The following ZNF347 variants were observed in gnomAD, a reference collection of about 807,000 sequenced individuals.
ZNF347 encodes the protein CTD-2620I22.7.
Under a neutral mutation model 12.9 loss-of-function variants are expected in ZNF347, and 19 were observed. The observed-to-expected ratio is 1.47, with a 90% CI of 1.03 to 2.16. ZNF347 has a LOEUF of 2.16. Among genes scored for constraint, ZNF347 ranks in the 30% most tolerant of loss-of-function variants. The pLI, the probability that ZNF347 is intolerant of heterozygous loss-of-function variation, is 0.00. For synonymous variants in ZNF347, 328 were observed against 340.6 expected, an observed-to-expected ratio of 0.96 and a Z score of 0.41; for missense variants, 1,005 against 990.6, an observed-to-expected ratio of 1.01 and a Z score of -0.19.
chr19:53,149,022 G>T, intron 3 of ZNF347: 1 of 1,116,938 alleles, frequency 9.0e-7, no homozygotes, highest in Non-Finnish European at 1.2e-6. Context: ...CATGGGGATA[G>T]AAAACAGGGA....
chr19:53,144,225 C>T (rs10409594), intron 4 of ZNF347, among the ~76,000 whole-genome samples: 12,301 of 151,978 alleles, frequency 0.081, 1,007 homozygotes, highest in African/African-American at 0.22. Flanking sequence ...CTATATGTTG[C>T]CTACAACAAA....
rs555644606 is a variant in ZNF347 at position 53,136,528 on chromosome 19, T to G, written c.*3780A>C. The G allele has an allele frequency of 6.7e-6, 1 of 150,078 alleles. No individual in the cohort carries two copies. The highest frequency in any genetic ancestry group is 1.5e-5 in the Non-Finnish European group (1 of 67,550). The allele number at this position is 150,078 out of a possible 1,614,324, so 9.3% of individuals were successfully genotyped here. On this transcript the variant is annotated 3_prime_UTR_variant, in exon 5 of 5. Transcript: ENST00000334197. ...CAGGAGGAATGCTTGAGGCCAAGAG[T>G]TCAAGACCAACCTGGCCAACATAGC... is the stretch of plus-strand genomic sequence containing the variant.
At chr19:53,146,876 T>C (rs1381780824) in intron 4 of ZNF347, among the ~76,000 whole-genome samples, 1 of 150,332 alleles carries the variant, frequency 6.7e-6, no homozygotes, top group Non-Finnish European at 1.5e-5. Context: ...AAAAAAAAAA[T>C]TTCATGTAGA....
chr19:53,141,609 C>T lies in ZNF347; in HGVS notation c.1219G>A (p.Gly407Ser), dbSNP rs1378501484. ...TGTGAATTTTGAGTGAAGACCTTGCCACATTCATTACATTTGTAAGGTTTT... is the reference window on the plus strand; with the variant it reads ...TGTGAATTTTGAGTGAAGACCTTGCTACATTCATTACATTTGTAAGGTTTT... ...GEKPYKCNEC[G>S]KVFTQNSHLT... The change falls in exon 5 of 5, where the codon GGC (glycine) becomes AGC (serine). Residue 407 changes from glycine to serine, a missense_variant. Physicochemically the swap from Gly to Ser is moderately conservative, Grantham distance 56. Transcript: ENST00000334197. 3.1e-6 allele frequency: 5 copies of T among 1,613,998 alleles called. No individual in the cohort carries two copies. The highest frequency in any genetic ancestry group is 4.2e-6 in the Non-Finnish European group (5 of 1,179,974).
At chr19:53,155,332 GTGTT>G (rs1211765379) in intron 1 of ZNF347, among the ~76,000 whole-genome samples, 13 of 137,632 alleles carry the variant, frequency 9.4e-5, no homozygotes, top group Admixed American at 5.8e-4. Flanking sequence ...GTGTGTGTGT[GTGTT>G]TGTTTTTTGT....
At chr19:53,156,053 G>A (rs1407165485) in intron 1 of ZNF347, among the ~76,000 whole-genome samples, 2 of 137,666 alleles carry the variant, frequency 1.5e-5, no homozygotes, top group East Asian at 2.2e-4. Context: ...CTCGGGGGGG[G>A]GGGGGGGTTA....
chr19:53,149,266 C>A lies in ZNF347; in HGVS notation c.117G>T (p.Glu39Asp), dbSNP rs777145610. 1.9e-6 allele frequency: 3 copies of A among 1,613,370 alleles called. No homozygotes were observed. In the African/African-American group the frequency reaches 4.0e-5, roughly 22 times the overall value. Residue 39 changes from glutamate to aspartate, a missense_variant, in exon 3 of 5, where the codon GAG becomes GAT. Physicochemically the swap from Glu to Asp is conservative, Grantham distance 45. Coordinates refer to ENST00000334197, the MANE Select transcript of ZNF347 (RefSeq NM_032584.3). ...CCAGGGAGGCCAGGTTCCTATAATT[C>A]TCCAACATCACGTCCCTGTACAAAG... is the stretch of plus-strand genomic sequence containing the variant. ...QRTLYRDVMLENYRNLASLGI... is the reference protein window; with the variant it reads ...QRTLYRDVMLDNYRNLASLGI...
intron 4 of ZNF347, among the ~76,000 whole-genome samples, chr19:53,145,050 G>C (rs914212659): frequency 1.3e-5 from 2 of 152,048 alleles, no homozygotes; most frequent in Non-Finnish European, 2.9e-5. Context: ...AGCACTTAGG[G>C]AGGCCAAAGT....
rs770554095 is a variant in ZNF347 at position 53,141,783 on chromosome 19, C to T, written c.1045G>A (p.Glu349Lys). 1.3e-5 allele frequency: 21 copies of T among 1,613,456 alleles called. No individual in the cohort carries two copies. The highest frequency in any genetic ancestry group is 3.3e-5 in the Admixed American group (2 of 59,928). ...HTGEKPYKCNECGKVFTQNSH... is the reference protein window; with the variant it reads ...HTGEKPYKCNKCGKVFTQNSH... ...TTCTGAGTGAAGACCTTGCCACATT[C>T]GTTACATTTATAAGGTTTCTCTCCA... is the stretch of plus-strand genomic sequence containing the variant. The change falls in exon 5 of 5, where the codon GAA (glutamate) becomes AAA (lysine). Residue 349 changes from glutamate (E) to lysine (K), a missense_variant. By Grantham distance (56) the Glu-to-Lys change is moderately conservative (BLOSUM62 1). Transcript: ENST00000334197.
chr19:53,144,121 C>T (rs1337159666), intron 4 of ZNF347, among the ~76,000 whole-genome samples: 2 of 152,038 alleles, frequency 1.3e-5, no homozygotes, highest in African/African-American at 4.8e-5. Context: ...AGTATAAGTC[C>T]TTACCTATCA....
intron 3 of ZNF347, 33 bp from the exon 4 acceptor site, chr19:53,148,842 G>C: frequency 6.2e-7 from 1 of 1,607,492 alleles, no homozygotes; most frequent in African/African-American, 1.3e-5. Context: ...ACAATGGGCT[G>C]TAGATTTTCC....
In ZNF347 at chr19:53,141,170, T is replaced by A; in HGVS notation, c.1658A>T (p.Tyr553Phe). Residue 553 changes from tyrosine to phenylalanine, a missense_variant, in exon 5 of 5, where the codon TAT (tyrosine) becomes TTT (phenylalanine). Coordinates refer to ENST00000334197, the MANE Select transcript of ZNF347 (RefSeq NM_032584.3). ...GACCTGATGGGTAGTTAGGCTTGAA[T>A]ACACACTGAAGGCTTTGCCGCACTC... Reference protein sequence around the residue: ...CNECGKAFSVYSSLTTHQVIH... With the variant: ...CNECGKAFSVFSSLTTHQVIH... 6.2e-7 allele frequency: 1 copy of A among 1,608,806 alleles called. No homozygotes were observed. The highest frequency in any genetic ancestry group is 8.5e-7 in the Non-Finnish European group (1 of 1,175,912).
Position 53,140,820 on chromosome 19 carries a change from T to C in ZNF347, c.2008A>G (p.Arg670Gly), listed in dbSNP as rs758767285. The C allele has an allele frequency of 2.9e-5, 46 of 1,614,018 alleles. No individual in the cohort carries two copies. In the Middle Eastern group the frequency reaches 4.9e-4, roughly 17 times the overall value. The change falls in exon 5 of 5, where the codon AGA becomes GGA. Residue 670 changes from arginine (R) to glycine (G), a missense_variant. Arg to Gly is a moderately radical substitution (Grantham distance 125). Coordinates refer to ENST00000334197, the MANE Select transcript of ZNF347 (RefSeq NM_032584.3). ...CCTCCAGTATGAACTCTCCGATGTCTTGCAAGGTGTGAATTCTGAGTGAAG... is the reference window on the plus strand; with the variant it reads ...CCTCCAGTATGAACTCTCCGATGTCCTGCAAGGTGTGAATTCTGAGTGAAG... ...KVFTQNSHLA[R>G]HRRVHTGGKP...
At chr19:53,147,376 AAAAC>A (rs35675251) in intron 4 of ZNF347, among the ~76,000 whole-genome samples, 42 of 150,992 alleles carry the variant, frequency 2.8e-4, no homozygotes, top group African/African-American at 8.6e-4. Context: ...CTGCATCTCA[AAAAC>A]AAACAAACAA....
Position 53,140,898 on chromosome 19 carries a change from G to C in ZNF347, c.1930C>G (p.Gln644Glu), listed in dbSNP as rs148039719. The change falls in exon 5 of 5, where the codon CAG becomes GAG. Residue 644 changes from glutamine (Q) to glutamate (E), a missense_variant. Transcript: ENST00000334197. Reference protein sequence around the residue: ...FSEHSNLTTHQVIHTGEKPYK... With the variant: ...FSEHSNLTTHEVIHTGEKPYK... ...GGTTTTTCACCAGTATGGATGACCT[G>C]ATGGGTAGTTAGGTTTGAATGTTCA... is the stretch of plus-strand genomic sequence containing the variant. 6.2e-6 allele frequency: 10 copies of C among 1,613,568 alleles called. No homozygotes were observed. Among genetic ancestry groups the C allele is most frequent in the African/African-American group, 5.4e-5 (4 of 74,764 alleles).
rs80326789 is a variant in ZNF347 at position 53,149,017 on chromosome 19, G to A, written c.143-208C>T. On this transcript the variant is annotated intron_variant, in intron 3 of 4. Coordinates refer to ENST00000334197, the MANE Select transcript of ZNF347 (RefSeq NM_032584.3). ...CCAAAACCACTGAATCAAAGCATGG[G>A]GATAGAAAACAGGGAATTGGATATT... 1.2e-3 allele frequency: 1,331 copies of A among 1,096,496 alleles called. 13 individuals are homozygous for A. In the African/African-American group the frequency reaches 0.019, roughly 16 times the overall value. 67.9% of individuals were successfully genotyped at this position (1,096,496 alleles called of 1,614,324 possible). A position where few individuals can be genotyped will look rare whatever the true frequency, so the allele number is the denominator to read the frequency against.
chr19:53,146,370 G>T (rs1323060385), intron 4 of ZNF347, among the ~76,000 whole-genome samples: 1 of 152,016 alleles, frequency 6.6e-6, no homozygotes, highest in Non-Finnish European at 1.5e-5. Context: ...GAACTCCTGG[G>T]TTTAACTGAT....
intron 2 of ZNF347, among the ~76,000 whole-genome samples, chr19:53,152,137 C>A (rs1294703688): frequency 7.0e-6 from 1 of 143,540 alleles, no homozygotes; most frequent in East Asian, 2.0e-4. Context: ...AATAAAAAAA[C>A]ACGCACTCAC....
At chr19:53,152,551 G>A (rs2090505382) in intron 2 of ZNF347, among the ~76,000 whole-genome samples, 1 of 152,090 alleles carries the variant, frequency 6.6e-6, no homozygotes, top group Non-Finnish European at 1.5e-5. Flanking sequence ...AGGTTGCAGT[G>A]AGCCGAGATT....
Sources: gnomAD v4.1 joint callset for allele counts (sites outside exome capture counted in the v4.1 genomes callset) on GRCh38, gnomAD v4.1.1 for gene constraint, MANE v1.5 for transcripts, NCBI Gene and HGNC (gene_info 2026-07-23, HGNC 2026-07-21) for gene names.